Variants in SOBP observed in about 807,000 individuals in gnomAD.
The protein encoded by SOBP is sine oculis-binding protein homolog.
In SOBP, 4 loss-of-function variants were observed where a neutral mutation model predicts 53.6. The ratio of observed to expected loss-of-function variants is 0.07; its 90% confidence interval spans 0.04 to 0.17. The LOEUF (loss-of-function observed/expected upper bound fraction) is 0.17. Ranked by LOEUF, SOBP falls within the 10% of genes least tolerant of loss-of-function variation. The probability of loss-of-function intolerance (pLI) is 1.00; values close to 1 mark genes in which losing one functional copy is unlikely to be tolerated. For missense variants in SOBP, 1,088 were observed against 1,204.7 expected, an observed-to-expected ratio of 0.90 and a Z score of 1.43; for synonymous variants, 584 against 522.6, an observed-to-expected ratio of 1.12 and a Z score of -1.60.
intron 4 of SOBP, among the ~76,000 whole-genome samples, chr6:107,542,890 G>A (rs1462755419): frequency 1.3e-5 from 2 of 152,020 alleles, no homozygotes; most frequent in Admixed American, 1.3e-4. Flanking sequence ...CGGTAGAGAG[G>A]TTAGGGCCTC....
At chr6:107,645,504 T>C (rs552225489) in intron 6 of SOBP, among the ~76,000 whole-genome samples, 8 of 147,604 alleles carry the variant, frequency 5.4e-5, no homozygotes, top group African/African-American at 2.0e-4. Flanking sequence ...TTGACTTGAT[T>C]TGAAGAACTA....
At chr6:107,555,460 G>A (rs542833831) in intron 4 of SOBP, among the ~76,000 whole-genome samples, 7 of 152,122 alleles carry the variant, frequency 4.6e-5, no homozygotes, top group Admixed American at 2.6e-4. Context: ...GTGAGTTCTC[G>A]CCCACATAGG....
intron 4 of SOBP, among the ~76,000 whole-genome samples, chr6:107,555,913 T>G (rs1237026701): frequency 6.6e-6 from 1 of 152,224 alleles, no homozygotes; most frequent in Admixed American, 6.5e-5. Flanking sequence ...TTGGAAGATA[T>G]TCCTCCCCTA....
At chr6:107,497,046 G>A (rs1368028871) in intron 1 of SOBP, among the ~76,000 whole-genome samples, 3 of 152,126 alleles carry the variant, frequency 2.0e-5, no homozygotes, top group African/African-American at 7.2e-5. Context: ...CTTGAACAAG[G>A]CTTCTGCCTG....
intron 4 of SOBP, among the ~76,000 whole-genome samples, chr6:107,557,017 G>T (rs1784630536): frequency 6.6e-6 from 1 of 152,048 alleles, no homozygotes; most frequent in African/African-American, 2.4e-5. Context: ...AATTTATAAG[G>T]CATCCACATA....
At chr6:107,598,000 T>G (rs976807813) in intron 5 of SOBP, among the ~76,000 whole-genome samples, 6 of 152,198 alleles carry the variant, frequency 3.9e-5, no homozygotes, top group African/African-American at 1.4e-4. Context: ...GGTGTGTGTG[T>G]GTTACCCAGA....
intron 4 of SOBP, among the ~76,000 whole-genome samples, chr6:107,545,538 C>A (rs192020909): frequency 2.0e-5 from 3 of 152,252 alleles, no homozygotes; most frequent in Admixed American, 1.3e-4. Flanking sequence ...GTCATGATGA[C>A]AACTCTATAG....
intron 1 of SOBP, 60 bp from the exon 2 acceptor site, chr6:107,503,597 C>T: frequency 6.4e-7 from 1 of 1,553,154 alleles, no homozygotes; most frequent in East Asian, 2.2e-5. Context: ...TCAATTTATG[C>T]ATTCTTTTCA....
At chr6:107,555,695 G>A (rs1044490068) in intron 4 of SOBP, among the ~76,000 whole-genome samples, 1 of 152,188 alleles carries the variant, frequency 6.6e-6, no homozygotes, top group Non-Finnish European at 1.5e-5. Flanking sequence ...ACCCAGCAGA[G>A]ACCAATTAGT....
At chr6:107,599,611 A>G (rs949581822) in intron 5 of SOBP, among the ~76,000 whole-genome samples, 7 of 50,172 alleles carry the variant, frequency 1.4e-4, no homozygotes, top group Non-Finnish European at 1.8e-4. Flanking sequence ...GATTTTTGAG[A>G]AAAAAAAAAA....
At chr6:107,568,022 A>G (rs1784966848) in intron 4 of SOBP, among the ~76,000 whole-genome samples, 1 of 152,158 alleles carries the variant, frequency 6.6e-6, no homozygotes, top group South Asian at 2.1e-4. Flanking sequence ...AGAACCTGGG[A>G]CTTTATCCAA....
intron 5 of SOBP, among the ~76,000 whole-genome samples, chr6:107,609,498 AG>A (rs1176721911): frequency 4.6e-5 from 7 of 152,238 alleles, no homozygotes; most frequent in African/African-American, 1.7e-4. Flanking sequence ...TGGATAGTAG[AG>A]AGAAATTACA....
At chr6:107,611,449 T>C (rs1053849756) in intron 5 of SOBP, among the ~76,000 whole-genome samples, 2 of 152,234 alleles carry the variant, frequency 1.3e-5, no homozygotes, top group East Asian at 3.8e-4. Context: ...TGCCACAGGC[T>C]GCTGTCACTA....
In SOBP at chr6:107,556,947, A is replaced by G. The variant is rs1784628396; in HGVS notation, c.573+23337A>G. 2.0e-5 allele frequency among the ~76,000 whole-genome samples: 3 copies of G among 152,368 alleles called. No homozygotes were observed. The South Asian group carries it at 6.2e-4, about 32-fold the overall frequency. ...ATATAATGAGCCTCAAAGGAAATTAATTGATAGTATGTCATTAATAGCAGT... is the reference window on the plus strand; with the variant it reads ...ATATAATGAGCCTCAAAGGAAATTAGTTGATAGTATGTCATTAATAGCAGT... On this transcript the variant is annotated intron_variant, in intron 4 of 6. Transcript: ENST00000317357.
intron 5 of SOBP, among the ~76,000 whole-genome samples, chr6:107,597,787 C>A (rs1197410185): frequency 1.3e-5 from 2 of 152,110 alleles, no homozygotes; most frequent in African/African-American, 4.8e-5. Context: ...CTTGATAATT[C>A]AAACCAAAAA....
rs149171718 is a variant in SOBP, at chr6:107,660,105, T to C, written c.*1902T>C. 1.3e-5 allele frequency: 2 copies of C among 152,688 alleles called. No individual in the cohort carries two copies. Among genetic ancestry groups the C allele is most frequent in the African/African-American group, 4.8e-5 (2 of 41,554 alleles). The allele number at this position is 152,688 out of a possible 1,614,324, so 9.5% of individuals were successfully genotyped here. On this transcript the variant is annotated 3_prime_UTR_variant, in exon 7 of 7. Transcript: ENST00000317357. ...CTCTCCCTGACTGGTGTCAGATTCA[T>C]CAAACAAAAAATAAATCTCGAAGAA...
intron 1 of SOBP, among the ~76,000 whole-genome samples, chr6:107,493,116 C>T (rs1160469312): frequency 2.0e-5 from 3 of 152,192 alleles, no homozygotes; most frequent in Admixed American, 6.5e-5. Context: ...ACTCCTCCAG[C>T]TCCCTGAACC....
chr6:107,633,684 C>A lies in SOBP; in HGVS notation c.840C>A (p.His280Gln), dbSNP rs139988156. 2.1e-4 allele frequency: 331 copies of A among 1,614,240 alleles called. 2 individuals are homozygous for A. In the East Asian group the frequency reaches 7.3e-3, roughly 36 times the overall value. ...NLPAGLCSTL[H>Q]PPMENKAEGT... Reference sequence around the variant, plus strand: ...CAGCTGGGCTGTGCAGCACATTACACCCTCCCATGGAAAATAAAGCAGAAG... The same window carrying A: ...CAGCTGGGCTGTGCAGCACATTACAACCTCCCATGGAAAATAAAGCAGAAG... The change falls in exon 6 of 7, where the codon CAC becomes CAA. Residue 280 changes from histidine to glutamine, a missense_variant. Physicochemically the swap from His to Gln is conservative, Grantham distance 24. Coordinates refer to ENST00000317357, the MANE Select transcript of SOBP (RefSeq NM_018013.4).
intron 4 of SOBP, among the ~76,000 whole-genome samples, chr6:107,535,922 T>A (rs907877784): frequency 6.6e-6 from 1 of 152,230 alleles, no homozygotes; most frequent in Non-Finnish European, 1.5e-5. Context: ...AAATAGCTAC[T>A]TCTCCTCTTG....
Sources: allele counts gnomAD v4.1 joint callset (sites outside exome capture counted in the v4.1 genomes callset), GRCh38; gene constraint gnomAD v4.1.1; transcripts MANE v1.5; gene names NCBI Gene and HGNC (gene_info 2026-07-23, HGNC 2026-07-21).